Variants in IMPG1 observed in about 807,000 individuals in gnomAD.
The protein encoded by IMPG1 is interphotoreceptor matrix proteoglycan of 150 kDa.
In IMPG1, 85 loss-of-function variants were observed where a neutral mutation model predicts 92.0. The ratio of observed to expected loss-of-function variants is 0.92; its 90% confidence interval spans 0.78 to 1.11. The LOEUF is 1.11. Among genes scored for constraint, IMPG1 ranks in the 50% least tolerant of loss-of-function variants. The probability of loss-of-function intolerance (pLI) is 0.00; values close to 1 mark genes in which losing one functional copy is unlikely to be tolerated. For synonymous variants in IMPG1, 367 were observed against 334.1 expected, an observed-to-expected ratio of 1.10 and a Z score of -1.08; for missense variants, 1,022 against 956.0, an observed-to-expected ratio of 1.07 and a Z score of -0.91.
chr6:75,934,144 C>A (rs79029287), intron 14 of IMPG1, among the ~76,000 whole-genome samples: 3,404 of 152,298 alleles, frequency 0.022, 126 homozygotes, highest in African/African-American at 0.078. Context: ...TATCAGACTT[C>A]CATGAATGCT....
At chr6:75,936,076 A>C (rs960255384) in intron 14 of IMPG1, among the ~76,000 whole-genome samples, 4 of 152,256 alleles carry the variant, frequency 2.6e-5, no homozygotes, top group African/African-American at 9.6e-5. Context: ...GGACCTGCTC[A>C]TCTGTTCTAC....
At position 75,974,392 on chromosome 6, in the gene IMPG1, T is replaced by TTTCTTTTC. The variant is rs1554230326; in HGVS notation, c.1292-23299_1292-23298insGAAAAGAA. 7.6e-3 allele frequency among the ~76,000 whole-genome samples: 450 copies of TTTCTTTTC among 59,410 alleles called. 4 individuals are homozygous for TTTCTTTTC. The highest frequency in any genetic ancestry group is 0.031 in the East Asian group (53 of 1,714). 39.0% of individuals were successfully genotyped at this position (59,410 alleles called of 152,430 possible). A position where few individuals can be genotyped will look rare whatever the true frequency, so the allele number is the denominator to read the frequency against. ...CTTTCTTTCTTTCTTTCTTTCTTTC[T>TTTCTTTTC]TTTCTTTCTTTCCTTCCTTCCTTCC... On this transcript the variant is annotated intron_variant, in intron 12 of 16. Coordinates refer to ENST00000369950, the MANE Select transcript of IMPG1 (RefSeq NM_001563.4).
chr6:76,002,979 T>C lies in IMPG1; in HGVS notation c.1230A>G (p.Pro410=). The stretch of plus-strand genomic sequence containing the variant: ...GCTGGGGTTCAACAGGAGGAAGTTC[T>C]GGACTCAAAGTAGCATCCTGAAGAA... The part of the protein sequence containing the change: ...AVITEDATLS[P]ELPPVEPQLE... The change falls in exon 12 of 17, where the codon CCA becomes CCG. Residue 410 remains proline, a synonymous_variant. Transcript: ENST00000369950. 6.2e-7 allele frequency: 1 copy of C among 1,613,480 alleles called. No homozygotes were observed. Among genetic ancestry groups the C allele is most frequent in the Non-Finnish European group, 8.5e-7 (1 of 1,179,496 alleles).
intron 1 of IMPG1, among the ~76,000 whole-genome samples, chr6:76,050,275 AC>A (rs1295367545): frequency 6.6e-6 from 1 of 152,074 alleles, no homozygotes; most frequent in Non-Finnish European, 1.5e-5. Context: ...ACCCATCTCT[AC>A]TAAAAATATA....
chr6:75,943,234 T>C (rs1242509238), intron 14 of IMPG1, among the ~76,000 whole-genome samples: 1 of 152,174 alleles, frequency 6.6e-6, no homozygotes, highest in African/African-American at 2.4e-5. Context: ...CTGTGTGCCC[T>C]GCATGGTTAG....
chr6:76,009,090 T>G (rs1194547310), intron 8 of IMPG1, among the ~76,000 whole-genome samples: 1 of 152,224 alleles, frequency 6.6e-6, no homozygotes, highest in African/African-American at 2.4e-5. Flanking sequence ...CAAGAATATA[T>G]GACAATTTGT....
At chr6:75,924,657 A>T (rs372103400) in intron 15 of IMPG1, among the ~76,000 whole-genome samples, 1,344 of 6,546 alleles carry the variant, frequency 0.21, 493 homozygotes, top group Non-Finnish European at 0.34. Context: ...AATTATATAT[A>T]ATATATAATA....
intron 12 of IMPG1, among the ~76,000 whole-genome samples, chr6:75,985,311 G>C (rs1163081274): frequency 6.6e-6 from 1 of 152,220 alleles, no homozygotes; most frequent in African/African-American, 2.4e-5. Flanking sequence ...CCCTGGCAGA[G>C]AGGATGCAGT....
chr6:76,001,342 A>C (rs914752355), intron 12 of IMPG1, among the ~76,000 whole-genome samples: 1 of 152,208 alleles, frequency 6.6e-6, no homozygotes, highest in Non-Finnish European at 1.5e-5. Context: ...CAACTCTTAA[A>C]ATAATTTGGA....
rs752681724 is a variant in IMPG1, at chr6:76,041,962, C to A, written c.232G>T (p.Val78Phe). ...TKRSAFFPTG[V>F]KVCPQESMKQ... The stretch of plus-strand genomic sequence containing the variant: ...ATGGATTCCTGTGGACAGACTTTAA[C>A]CCCCGTTGGGAAAAATGCGGATCTT... The change falls in exon 2 of 17, where the codon GTT becomes TTT. Residue 78 changes from valine to phenylalanine, a missense_variant. Val to Phe is a conservative substitution (Grantham distance 50, BLOSUM62 -1). Transcript: ENST00000369950. 4.3e-6 allele frequency: 7 copies of A among 1,613,904 alleles called. No homozygotes were observed. The highest frequency in any genetic ancestry group is 1.6e-4 in the Middle Eastern group (1 of 6,082).
intron 7 of IMPG1, among the ~76,000 whole-genome samples, chr6:76,014,033 G>A (rs1783238309): frequency 6.6e-6 from 1 of 152,202 alleles, no homozygotes; most frequent in South Asian, 2.1e-4. Context: ...GGAGCTCTTT[G>A]TACGGGATGG....
At chr6:75,940,173 C>T (rs898891271) in intron 14 of IMPG1, among the ~76,000 whole-genome samples, 2 of 152,190 alleles carry the variant, frequency 1.3e-5, no homozygotes, top group African/African-American at 4.8e-5. Context: ...CACAGCTCTT[C>T]CTCCCATCCT....
At chr6:75,932,570 G>A (rs942882597) in intron 14 of IMPG1, among the ~76,000 whole-genome samples, 2 of 152,086 alleles carry the variant, frequency 1.3e-5, no homozygotes, top group Non-Finnish European at 2.9e-5. Context: ...ATGAATGAAA[G>A]TTTAACTAGT....
chr6:75,965,896 C>T (rs755492726), intron 12 of IMPG1, among the ~76,000 whole-genome samples: 2 of 152,270 alleles, frequency 1.3e-5, no homozygotes, highest in South Asian at 2.1e-4. Context: ...CATGAGCCAC[C>T]ACGCCCAGCC....
Position 75,923,697 on chromosome 6 carries a change from A to G in IMPG1, c.2253T>C (p.Asp751=). The G allele has an allele frequency of 1.3e-6, 2 of 1,594,800 alleles. No homozygotes were observed. Among genetic ancestry groups the G allele is most frequent in the Non-Finnish European group, 1.7e-6 (2 of 1,164,310 alleles). The change falls in exon 16 of 17, where the codon GAT becomes GAC. Residue 751 remains aspartate (D), a synonymous_variant. Transcript: ENST00000369950. Reference sequence around the variant, plus strand: ...TTTTGTATGCTTGATTTTCAGAGTGATCTGGCAACCTACAAAAGAAAGCAA... The same window carrying G: ...TTTTGTATGCTTGATTTTCAGAGTGGTCTGGCAACCTACAAAAGAAAGCAA... The part of the protein sequence containing the change: ...QGKGAPCRLP[D]HSENQAYKTS...
At chr6:76,020,069 T>A (rs868493423) in intron 6 of IMPG1, among the ~76,000 whole-genome samples, 5 of 152,190 alleles carry the variant, frequency 3.3e-5, no homozygotes, top group South Asian at 2.1e-4. Flanking sequence ...TTATTTATTT[T>A]TTTGACACAG....
chr6:76,018,953 G>T, intron 6 of IMPG1, 95 bp from the exon 7 acceptor site: 3 of 1,113,608 alleles, frequency 2.7e-6, no homozygotes, highest in Non-Finnish European at 3.7e-6. Flanking sequence ...CTCAAGAAGT[G>T]GATTATGAAG....
intron 12 of IMPG1, among the ~76,000 whole-genome samples, chr6:75,995,087 C>G (rs1782874281): frequency 6.6e-6 from 1 of 152,138 alleles, no homozygotes; most frequent in Admixed American, 6.5e-5. Context: ...ATCAGGCCAG[C>G]CTTTCTTGCT....
chr6:75,967,629 AG>A (rs1156346366), intron 12 of IMPG1, among the ~76,000 whole-genome samples: 2 of 152,226 alleles, frequency 1.3e-5, no homozygotes, highest in Admixed American at 6.5e-5. Flanking sequence ...CCCTCAAGAA[AG>A]AAAAGTCTTG....
Sources: gnomAD v4.1 joint callset for allele counts (sites outside exome capture counted in the v4.1 genomes callset) on GRCh38, gnomAD v4.1.1 for gene constraint, MANE v1.5 for transcripts, NCBI Gene and HGNC (gene_info 2026-07-23, HGNC 2026-07-21) for gene names.